The following AOAH variants were observed in gnomAD, a reference collection of about 807,000 sequenced individuals.
AOAH encodes acyloxyacyl hydrolase (neutrophil).
Under a neutral mutation model 92.2 loss-of-function variants are expected in AOAH, and 64 were observed. The observed-to-expected ratio is 0.69, with a 90% CI of 0.57 to 0.86. The LOEUF (loss-of-function observed/expected upper bound fraction) is 0.86. Among genes scored for constraint, AOAH ranks in the 40% least tolerant of loss-of-function variants. The probability of loss-of-function intolerance (pLI) is 0.00; values close to 1 mark genes in which losing one functional copy is unlikely to be tolerated. For missense variants in AOAH, 656 were observed against 694.6 expected (o/e 0.94, Z 0.62); for synonymous variants, 263 against 254.5 (o/e 1.03, Z -0.32).
intron 13 of AOAH, among the ~76,000 whole-genome samples, chr7:36,566,562 T>C (rs1252305765): frequency 2.0e-5 from 3 of 151,964 alleles, no homozygotes; most frequent in Non-Finnish European, 4.4e-5. Context: ...CCCAGGAATG[T>C]CAGGTGACCA....
chr7:36,552,002 C>T lies in AOAH; in HGVS notation c.1022-2527G>A, dbSNP rs1786295317. On this transcript the variant is annotated intron_variant, in intron 13 of 20. Transcript: ENST00000617537. Reference sequence around the variant, plus strand: ...TGCTGAGGTTTGGGGGACAATTGATCCCATCACCCAGGTACTGAGCATAGC... The same window carrying T: ...TGCTGAGGTTTGGGGGACAATTGATTCCATCACCCAGGTACTGAGCATAGC... Among the ~76,000 whole-genome samples, 3 of 152,142 alleles carry T rather than the reference C, an allele frequency of 2.0e-5. No homozygotes were observed. In the South Asian group the frequency reaches 6.2e-4, roughly 32 times the overall value.
intron 1 of AOAH, among the ~76,000 whole-genome samples, chr7:36,690,429 T>C (rs1230570581): frequency 2.6e-5 from 4 of 152,188 alleles, no homozygotes; most frequent in Admixed American, 1.3e-4. Flanking sequence ...CCCCTTCCAG[T>C]TGAATTGTTA....
At chr7:36,690,106 C>A in intron 1 of AOAH, 1 of 444,152 alleles carries the variant, frequency 2.3e-6, no homozygotes, top group East Asian at 7.2e-5. Context: ...CACATATGGG[C>A]TTTTCTTCTG....
At chr7:36,601,060 C>T (rs574508280) in intron 11 of AOAH, among the ~76,000 whole-genome samples, 51 of 152,276 alleles carry the variant, frequency 3.3e-4, no homozygotes, top group Admixed American at 2.0e-3. Context: ...CGGGAGATGG[C>T]GCACACCACT....
chr7:36,636,377 C>CTAAT (rs113881118), intron 5 of AOAH, among the ~76,000 whole-genome samples: 7,108 of 152,084 alleles, frequency 0.047, 284 homozygotes, highest in East Asian at 0.11. Flanking sequence ...TTGTAAAATC[C>CTAAT]TAATTAGGAG....
intron 4 of AOAH, among the ~76,000 whole-genome samples, chr7:36,640,146 A>T (rs1276966033): frequency 1.3e-5 from 2 of 152,126 alleles, no homozygotes; most frequent in African/African-American, 4.8e-5. Flanking sequence ...CCGGGGCTGC[A>T]GGGAAATGCA....
At chr7:36,711,872 G>C (rs1460811827) in intron 1 of AOAH, among the ~76,000 whole-genome samples, 2 of 152,148 alleles carry the variant, frequency 1.3e-5, no homozygotes, top group Non-Finnish European at 2.9e-5. Context: ...TGAGGACAGA[G>C]ACCACCTCCA....
intron 16 of AOAH, among the ~76,000 whole-genome samples, chr7:36,533,944 C>T (rs952242375): frequency 6.6e-6 from 1 of 152,130 alleles, no homozygotes; most frequent in Admixed American, 6.5e-5. Context: ...GGAACTGGGG[C>T]CTCATAGTGA....
At chr7:36,577,736 T>A (rs1788625393) in intron 12 of AOAH, among the ~76,000 whole-genome samples, 1 of 152,232 alleles carries the variant, frequency 6.6e-6, no homozygotes, top group South Asian at 2.1e-4. Context: ...TTATGTTCTC[T>A]AAACTTTCAT....
intron 13 of AOAH, among the ~76,000 whole-genome samples, chr7:36,561,635 G>T (rs547605651): frequency 3.0e-4 from 45 of 152,228 alleles, no homozygotes; most frequent in African/African-American, 1.0e-3. Flanking sequence ...TTTTCAGTGA[G>T]ATAATAGATC....
intron 1 of AOAH, among the ~76,000 whole-genome samples, chr7:36,717,121 A>G (rs1050204970): frequency 5.3e-5 from 8 of 152,292 alleles, no homozygotes; most frequent in Admixed American, 2.0e-4. Context: ...GGGGCTTTCC[A>G]CAGCTTCAAT....
intron 12 of AOAH, among the ~76,000 whole-genome samples, chr7:36,581,628 T>G (rs959234693): frequency 5.9e-5 from 9 of 152,224 alleles, no homozygotes; most frequent in Admixed American, 5.9e-4. Flanking sequence ...CAAATGTATT[T>G]TTGATCATTC....
chr7:36,590,135 T>G (rs1033017187), intron 12 of AOAH, among the ~76,000 whole-genome samples: 12 of 151,984 alleles, frequency 7.9e-5, no homozygotes, highest in African/African-American at 2.9e-4. Flanking sequence ...AAAAAAATAT[T>G]TTTTTAGAGA....
At chr7:36,547,381 T>G (rs1168057350) in intron 15 of AOAH, among the ~76,000 whole-genome samples, 1 of 152,232 alleles carries the variant, frequency 6.6e-6, no homozygotes, top group East Asian at 1.9e-4. Flanking sequence ...TGCATCTCCT[T>G]TGCCATCTGA....
At chr7:36,709,297 T>C (rs1379100967) in intron 1 of AOAH, among the ~76,000 whole-genome samples, 1 of 152,144 alleles carries the variant, frequency 6.6e-6, no homozygotes, top group Non-Finnish European at 1.5e-5. Context: ...GTAAACCAGC[T>C]GGTTTTTGCA....
At chr7:36,574,369 T>C (rs555449766) in intron 13 of AOAH, among the ~76,000 whole-genome samples, 2 of 152,344 alleles carry the variant, frequency 1.3e-5, no homozygotes, top group East Asian at 3.9e-4. Flanking sequence ...TCCCCTTTTA[T>C]CTTTGCAATC....
chr7:36,515,128 C>CCA (rs1194143934), intron 20 of AOAH, among the ~76,000 whole-genome samples: 3 of 146,174 alleles, frequency 2.1e-5, no homozygotes, highest in East Asian at 2.1e-4. Flanking sequence ...TCACACACCC[C>CCA]CACACACACA....
chr7:36,563,985 TCTC>T (rs1367885359), intron 13 of AOAH, among the ~76,000 whole-genome samples: 1 of 152,204 alleles, frequency 6.6e-6, no homozygotes, highest in African/African-American at 2.4e-5. Context: ...GCTAAATGAT[TCTC>T]TAAAACATAG....
At chr7:36,627,555 A>AAAAAG (rs3053544) in intron 6 of AOAH, among the ~76,000 whole-genome samples, 1 of 143,754 alleles carries the variant, frequency 7.0e-6, no homozygotes, top group Non-Finnish European at 1.5e-5. Flanking sequence ...CAAAAAAAAA[A>AAAAAG]CAAAACAAAA....
Sources: gnomAD v4.1 joint callset for allele counts (sites outside exome capture counted in the v4.1 genomes callset) on GRCh38, gnomAD v4.1.1 for gene constraint, MANE v1.5 for transcripts, NCBI Gene and HGNC (gene_info 2026-07-23, HGNC 2026-07-21) for gene names.